FHOD3: variants seen among roughly 807,000 people sequenced by gnomAD.
The protein encoded by FHOD3 is formin homology 2 domain containing 3.
A neutral mutation model predicts 173.0 loss-of-function variants in FHOD3; 90 were observed. The observed-to-expected ratio is 0.52, with a 90% CI of 0.44 to 0.62. FHOD3 has a LOEUF of 0.62. Among genes scored for constraint, FHOD3 ranks in the 20% least tolerant of loss-of-function variants. The pLI is 0.00. For missense variants in FHOD3, 1,945 were observed against 2,034.7 expected, an observed-to-expected ratio of 0.96 and a Z score of 0.85; for synonymous variants, 828 against 823.0, an observed-to-expected ratio of 1.01 and a Z score of -0.10.
chr18:36,570,833 G>A (rs1428068857), intron 5 of FHOD3, among the ~76,000 whole-genome samples: 1 of 152,044 alleles, frequency 6.6e-6, no homozygotes, highest in Non-Finnish European at 1.5e-5. Flanking sequence ...TTTACAAAAA[G>A]CTCTTAGCAG....
At chr18:36,529,230 C>G (rs79031361) in intron 5 of FHOD3, among the ~76,000 whole-genome samples, 2,291 of 152,228 alleles carry the variant, frequency 0.015, 49 homozygotes, top group African/African-American at 0.05. Context: ...CGTTCAGGGA[C>G]AGATGGGTGT....
intron 2 of FHOD3, among the ~76,000 whole-genome samples, chr18:36,370,459 G>A (rs2047127430): frequency 6.6e-6 from 1 of 151,946 alleles, no homozygotes; most frequent in African/African-American, 2.4e-5. Context: ...GGCAGTCATT[G>A]TTTTTATTGA....
chr18:36,555,608 A>G (rs796402606), intron 5 of FHOD3, among the ~76,000 whole-genome samples: 4 of 152,234 alleles, frequency 2.6e-5, no homozygotes, highest in African/African-American at 7.2e-5. Context: ...TCAGTAATCT[A>G]TATAGATTAC....
intron 1 of FHOD3, among the ~76,000 whole-genome samples, chr18:36,342,698 TTCTGTGCC>T (rs2045682996): frequency 6.6e-6 from 1 of 152,196 alleles, no homozygotes; most frequent in Admixed American, 6.5e-5. Flanking sequence ...AGTTAAAAAC[TTCTGTGCC>T]TCAAAGGGCA....
chr18:36,760,472 T>C, intron 26 of FHOD3, 136 bp from the exon 27 acceptor site: 1 of 741,940 alleles, frequency 1.3e-6, no homozygotes, highest in Admixed American at 3.4e-5. Context: ...TTAACTTCAG[T>C]GACTGCCGTA....
chr18:36,467,174 C>T (rs577518401), intron 3 of FHOD3, among the ~76,000 whole-genome samples: 9 of 152,216 alleles, frequency 5.9e-5, no homozygotes, highest in African/African-American at 1.4e-4. Context: ...AGGTAAGAGC[C>T]GAGCACACCA....
rs1332131861 is a variant in FHOD3, at chr18:36,594,811, C to G, written c.631C>G (p.Leu211Val). The part of the protein sequence containing the change: ...SKFRLVVKTA[L>V]KLLLVFVEYS... ...GTTCCGCCTGGTGGTGAAGACAGCCCTGAAGCTGCTGCTCGTCTTTGTAGA... is the reference window on the plus strand; with the variant it reads ...GTTCCGCCTGGTGGTGAAGACAGCCGTGAAGCTGCTGCTCGTCTTTGTAGA... The change falls in exon 7 of 29, where the codon CTG (leucine) becomes GTG (valine). Residue 211 changes from leucine to valine, a missense_variant. Leu to Val is a conservative substitution (Grantham distance 32). Transcript: ENST00000590592. 1 of 1,613,740 alleles carries G rather than the reference C, an allele frequency of 6.2e-7. No individual in the cohort carries two copies. The highest frequency in any genetic ancestry group is 1.1e-5 in the South Asian group (1 of 91,024).
intron 1 of FHOD3, among the ~76,000 whole-genome samples, chr18:36,336,067 C>A (rs1230778779): frequency 6.6e-6 from 1 of 152,168 alleles, no homozygotes; most frequent in South Asian, 2.1e-4. Flanking sequence ...GAGCATTTCT[C>A]ATCAACATCT....
chr18:36,590,707 T>G (rs1052128736), intron 6 of FHOD3, among the ~76,000 whole-genome samples: 1 of 152,032 alleles, frequency 6.6e-6, no homozygotes. Context: ...AAAAACAAAT[T>G]ACAGTGCCAA....
At chr18:36,543,275 A>G (rs908391727) in intron 5 of FHOD3, among the ~76,000 whole-genome samples, 10 of 152,096 alleles carry the variant, frequency 6.6e-5, no homozygotes, top group Admixed American at 6.5e-4. Flanking sequence ...ATGTATGTCA[A>G]TATACTTTAT....
chr18:36,621,129 A>G (rs1353343586), intron 9 of FHOD3, among the ~76,000 whole-genome samples: 1 of 152,208 alleles, frequency 6.6e-6, no homozygotes, highest in East Asian at 1.9e-4. Context: ...TTTTTCACAT[A>G]CATAAATTGA....
In FHOD3 at chr18:36,727,258, T is replaced by G. The variant is rs905832990; in HGVS notation, c.3418-3388T>G. Among the ~76,000 whole-genome samples the G allele has an allele frequency of 1.1e-4, 16 of 152,264 alleles. No homozygotes were observed. The East Asian group carries it at 1.4e-3, about 13-fold the overall frequency. ...GAAGGACAATTCAAATGGATCAGAA[T>G]AGATGACTGCCAATCCTTAGACATG... is the stretch of plus-strand genomic sequence containing the variant. On this transcript the variant is annotated intron_variant, in intron 19 of 28. Coordinates refer to ENST00000590592, the MANE Select transcript of FHOD3 (RefSeq NM_001281740.3).
intron 3 of FHOD3, among the ~76,000 whole-genome samples, chr18:36,470,405 A>G (rs1043937343): frequency 2.6e-5 from 4 of 152,238 alleles, no homozygotes; most frequent in African/African-American, 9.6e-5. Flanking sequence ...GTTCACGTCT[A>G]TGACGGTTGT....
intron 3 of FHOD3, among the ~76,000 whole-genome samples, chr18:36,460,385 T>C (rs1217722109): frequency 6.6e-6 from 1 of 152,246 alleles, no homozygotes; most frequent in African/African-American, 2.4e-5. Flanking sequence ...CTTGTGACTA[T>C]TTTATATTTC....
At chr18:36,372,591 G>A in intron 2 of FHOD3, 89 bp from the exon 3 acceptor site, 1 of 1,026,432 alleles carries the variant, frequency 9.7e-7, no homozygotes, top group Non-Finnish European at 1.5e-6. Context: ...ACTTAAGTGG[G>A]TATGTCAGAA....
chr18:36,409,479 C>A (rs1171467995), intron 3 of FHOD3, among the ~76,000 whole-genome samples: 1 of 152,134 alleles, frequency 6.6e-6, no homozygotes, highest in Non-Finnish European at 1.5e-5. Context: ...TCTCCCTGGT[C>A]TGGGAGCCCA....
intron 27 of FHOD3, among the ~76,000 whole-genome samples, chr18:36,768,566 G>A (rs1179570075): frequency 2.6e-5 from 4 of 152,102 alleles, no homozygotes; most frequent in Admixed American, 2.6e-4. Flanking sequence ...CCATGTTTTG[G>A]TGATGCTTTC....
intron 5 of FHOD3, among the ~76,000 whole-genome samples, chr18:36,532,835 T>C (rs2056843017): frequency 6.6e-6 from 1 of 152,346 alleles, no homozygotes; most frequent in Admixed American, 6.5e-5. Flanking sequence ...AAAGGTTCCA[T>C]TAAAACGTTT....
At chr18:36,592,669 T>G (rs865833757) in intron 6 of FHOD3, among the ~76,000 whole-genome samples, 1 of 152,146 alleles carries the variant, frequency 6.6e-6, no homozygotes, top group South Asian at 2.1e-4. Context: ...CTTCCAGCAC[T>G]GGTGGGTGGA....
Sources: gnomAD v4.1 joint callset for allele counts (sites outside exome capture counted in the v4.1 genomes callset) on GRCh38, gnomAD v4.1.1 for gene constraint, MANE v1.5 for transcripts, NCBI Gene and HGNC (gene_info 2026-07-23, HGNC 2026-07-21) for gene names.